COL4A2: variants seen among roughly 807,000 people sequenced by gnomAD.
COL4A2 encodes the protein collagen type IV alpha 2 chain.
Under a neutral mutation model 200.2 loss-of-function variants are expected in COL4A2, and 99 were observed. The observed-to-expected ratio is 0.49, with a 90% CI of 0.42 to 0.58. The LOEUF is 0.58. Ranked by LOEUF, COL4A2 falls within the 20% of genes least tolerant of loss-of-function variation. COL4A2 has a pLI of 0.00. For missense variants in COL4A2, 1,950 were observed against 2,314.1 expected (o/e 0.84, Z 3.23); for synonymous variants, 897 against 900.6 (o/e 1.00, Z 0.07).
chr13:110,377,647 T>G (rs1309422124), intron 4 of COL4A2, among the ~76,000 whole-genome samples: 3 of 152,214 alleles, frequency 2.0e-5, no homozygotes, highest in Non-Finnish European at 4.4e-5. Flanking sequence ...GGACCAACTC[T>G]TTACAGAAAC....
chr13:110,441,503 G>A (rs1594215630), intron 16 of COL4A2, among the ~76,000 whole-genome samples: 2 of 152,132 alleles, frequency 1.3e-5, no homozygotes, highest in African/African-American at 2.4e-5. Flanking sequence ...AGGCTTTGCC[G>A]TAATCACACC....
chr13:110,398,202 G>C (rs753962594), intron 4 of COL4A2, among the ~76,000 whole-genome samples: 1 of 151,526 alleles, frequency 6.6e-6, no homozygotes, highest in Non-Finnish European at 1.5e-5. Context: ...TCCTTTAGGT[G>C]GGGGGAAGAT....
rs977470486 is a variant in COL4A2, at chr13:110,436,211, C to T, written c.727-58C>T. On this transcript the variant is annotated intron_variant, in intron 12 of 47. Coordinates refer to ENST00000360467, the MANE Select transcript of COL4A2 (RefSeq NM_001846.4). ...ATTTTGGCCAGGTTGTATTTGTATT[C>T]GAGTTTTGTAGTTTCCTTTCGATTT... The T allele has an allele frequency of 2.7e-5, 43 of 1,609,024 alleles. No individual in the cohort carries two copies. The Admixed American group carries it at 6.7e-4, about 25-fold the overall frequency.
In COL4A2 at chr13:110,462,363, C is replaced by T. The variant is rs1232101674; in HGVS notation, c.1755C>T (p.Phe585=). The part of the protein sequence containing the change: ...GSPGRDGLDG[F]PGLPGPPGDG... ...CAGGCCGCGATGGGCTCGATGGATT[C>T]CCCGGCCTCCCAGGCCCTCCCGTGA... The change falls in exon 24 of 48, where the codon TTC becomes TTT. Residue 585 remains phenylalanine (F), a synonymous_variant. Transcript: ENST00000360467. The T allele has an allele frequency of 1.2e-6, 2 of 1,613,538 alleles. No homozygotes were observed. Among genetic ancestry groups the T allele is most frequent in the Middle Eastern group, 1.7e-4 (1 of 5,988 alleles).
At chr13:110,438,818 A>ACCCC in intron 15 of COL4A2, 150 bp downstream of exon 15, 1 of 646,956 alleles carries the variant, frequency 1.5e-6, no homozygotes, top group Non-Finnish European at 2.6e-6. Context: ...CCCCACACAC[A>ACCCC]CACACAGCAG....
chr13:110,502,984 TA>T, intron 41 of COL4A2, 136 bp from the exon 42 acceptor site: 1 of 814,604 alleles, frequency 1.2e-6, no homozygotes, highest in Non-Finnish European at 2.0e-6. Flanking sequence ...GACAATTTTT[TA>T]AAAACATAGA....
At chr13:110,386,766 G>A (rs924467124) in intron 4 of COL4A2, among the ~76,000 whole-genome samples, 4 of 152,244 alleles carry the variant, frequency 2.6e-5, no homozygotes, top group East Asian at 1.9e-4. Context: ...AGATGCTTAC[G>A]CTCTAGAAGA....
At chr13:110,509,245 T>TTATATATATATATATATATA (rs374846915) in intron 47 of COL4A2, among the ~76,000 whole-genome samples, 55 of 71,876 alleles carry the variant, frequency 7.7e-4, no homozygotes, top group East Asian at 2.3e-3. Context: ...ATTTCATAAA[T>TTATATATATATATATATATA]TATATATATA....
At chr13:110,470,722 A>G (rs995880177) in intron 28 of COL4A2, among the ~76,000 whole-genome samples, 11 of 152,104 alleles carry the variant, frequency 7.2e-5, no homozygotes, top group Admixed American at 3.3e-4. Context: ...ACATCTTGCA[A>G]ATGTTCCCAG....
At chr13:110,344,911 T>G (rs776304398) in intron 3 of COL4A2, among the ~76,000 whole-genome samples, 9 of 152,240 alleles carry the variant, frequency 5.9e-5, no homozygotes, top group Non-Finnish European at 1.3e-4. Flanking sequence ...TTAGGATTGC[T>G]ACCAATTTTA....
intron 4 of COL4A2, among the ~76,000 whole-genome samples, chr13:110,394,728 C>T (rs1450844896): frequency 3.3e-5 from 5 of 152,116 alleles, no homozygotes; most frequent in Admixed American, 2.0e-4. Flanking sequence ...GCGGGTGGGC[C>T]GATGAATTAC....
At chr13:110,382,475 G>C (rs1461011305) in intron 4 of COL4A2, among the ~76,000 whole-genome samples, 2 of 152,198 alleles carry the variant, frequency 1.3e-5, no homozygotes, top group Non-Finnish European at 2.9e-5. Flanking sequence ...AGACTAGGGA[G>C]CATGAATCAT....
intron 29 of COL4A2, chr13:110,473,522 T>C (rs930809455): frequency 5.9e-5 from 13 of 218,862 alleles, no homozygotes; most frequent in African/African-American, 2.5e-4. Flanking sequence ...TAGTCAGAGG[T>C]GAAGAAGGAA....
At chr13:110,393,703 A>AC (rs1431501901) in intron 4 of COL4A2, among the ~76,000 whole-genome samples, 11 of 152,068 alleles carry the variant, frequency 7.2e-5, no homozygotes, top group Non-Finnish European at 1.3e-4. Flanking sequence ...ACATGGTGAA[A>AC]CCCCAACTCT....
intron 4 of COL4A2, among the ~76,000 whole-genome samples, chr13:110,405,819 C>A (rs1044522723): frequency 1.3e-5 from 2 of 152,188 alleles, no homozygotes; most frequent in Non-Finnish European, 2.9e-5. Context: ...GGTTTTAATG[C>A]TGCTCAATGG....
At chr13:110,423,938 G>T (rs1880358531) in intron 4 of COL4A2, among the ~76,000 whole-genome samples, 1 of 152,134 alleles carries the variant, frequency 6.6e-6, no homozygotes. Flanking sequence ...CATTGTGTGG[G>T]TGTCTACCCA....
intron 45 of COL4A2, among the ~76,000 whole-genome samples, chr13:110,506,027 G>A (rs557024450): frequency 2.6e-5 from 4 of 152,298 alleles, no homozygotes; most frequent in African/African-American, 9.6e-5. Context: ...TCAACAGACT[G>A]AGCCCCAAGA....
chr13:110,489,339 T>C (rs1883207119), intron 34 of COL4A2, 106 bp from the exon 35 acceptor site: 2 of 1,105,372 alleles, frequency 1.8e-6, no homozygotes, highest in East Asian at 2.4e-5. Flanking sequence ...ATCACAAACC[T>C]TGAGTATTGT....
chr13:110,424,391 A>G (rs1289381779), intron 4 of COL4A2, among the ~76,000 whole-genome samples: 2 of 122,840 alleles, frequency 1.6e-5, no homozygotes, highest in East Asian at 5.1e-4. Flanking sequence ...ATAGAGATAA[A>G]ATTGTAGAAA....
Sources: gnomAD v4.1 joint callset for allele counts (sites outside exome capture counted in the v4.1 genomes callset) on GRCh38, gnomAD v4.1.1 for gene constraint, MANE v1.5 for transcripts, NCBI Gene and HGNC (gene_info 2026-07-23, HGNC 2026-07-21) for gene names.